MAN1C1: variants seen among roughly 807,000 people sequenced by gnomAD.
MAN1C1 encodes mannosidase alpha class 1C member 1.
Under a neutral mutation model 71.5 loss-of-function variants are expected in MAN1C1, and 49 were observed. That is an observed-to-expected ratio of 0.69 (90% CI 0.54 to 0.87). MAN1C1 has a LOEUF of 0.87. Ranked by LOEUF, MAN1C1 falls within the 40% of genes least tolerant of loss-of-function variation. The pLI, the probability that MAN1C1 is intolerant of heterozygous loss-of-function variation, is 0.00. For synonymous variants in MAN1C1, 352 were observed against 343.7 expected (o/e 1.02, Z -0.27); for missense variants, 743 against 835.0 (o/e 0.89, Z 1.36).
At chr1:25,682,350 G>A (rs1351024762) in intron 1 of MAN1C1, among the ~76,000 whole-genome samples, 1 of 152,196 alleles carries the variant, frequency 6.6e-6, no homozygotes, top group Non-Finnish European at 1.5e-5. Flanking sequence ...TGGAATGATA[G>A]GCAGAGTCCA....
intron 8 of MAN1C1, among the ~76,000 whole-genome samples, chr1:25,773,447 C>T (rs2047580234): frequency 6.6e-6 from 1 of 152,204 alleles, no homozygotes; most frequent in Non-Finnish European, 1.5e-5. Context: ...CTGCTCAGCT[C>T]CCTGGCACAA....
At chr1:25,732,830 A>AT (rs1365757102) in intron 2 of MAN1C1, among the ~76,000 whole-genome samples, 1 of 152,154 alleles carries the variant, frequency 6.6e-6, no homozygotes, top group Non-Finnish European at 1.5e-5. Flanking sequence ...ACAGGGGTGA[A>AT]TGGGACCTCT....
At chr1:25,708,256 G>A (rs532485782) in intron 2 of MAN1C1, among the ~76,000 whole-genome samples, 23 of 152,208 alleles carry the variant, frequency 1.5e-4, no homozygotes, top group Non-Finnish European at 2.8e-4. Context: ...CTGAACTGAG[G>A]GTTCCTCCCT....
rs146822655 is a variant in MAN1C1 at position 25,642,582 on chromosome 1, A to T, written c.540+24245A>T. Among the ~76,000 whole-genome samples the T allele has an allele frequency of 3.9e-4, 59 of 152,230 alleles. 2 individuals are homozygous for T. The East Asian group carries it at 0.011, about 29-fold the overall frequency. On this transcript the variant is annotated intron_variant, in intron 1 of 11. Coordinates refer to ENST00000374332, the MANE Select transcript of MAN1C1 (RefSeq NM_020379.4). The stretch of plus-strand genomic sequence containing the variant: ...GGAGAGCTCTGTTTCTATGCAAGAA[A>T]CCTGTGAATTCTCAACCTTTGCCAA...
chr1:25,769,573 A>G lies in MAN1C1; in HGVS notation c.1142-2084A>G, dbSNP rs532837387. Among the ~76,000 whole-genome samples the G allele has an allele frequency of 6.6e-6, 1 of 152,096 alleles. No individual in the cohort carries two copies. Among genetic ancestry groups the G allele is most frequent in the Non-Finnish European group, 1.5e-5 (1 of 68,008 alleles). ...CACGCACACACTCCACCACCGCGTG[A>G]TTGTGGCTAAACTCCTTGGCTTGGC... On this transcript the variant is annotated intron_variant, in intron 7 of 11. Coordinates refer to ENST00000374332, the MANE Select transcript of MAN1C1 (RefSeq NM_020379.4). This position sits in a 1 kb window ranked among gnomAD's most constrained non-coding sequence, Gnocchi z 4.8.
chr1:25,688,246 C>T (rs1397455119), intron 2 of MAN1C1, among the ~76,000 whole-genome samples: 2 of 152,150 alleles, frequency 1.3e-5, no homozygotes, highest in Non-Finnish European at 2.9e-5. Flanking sequence ...TGTATTGATT[C>T]CCATTAGGAA....
chr1:25,640,138 A>G (rs2124759529), intron 1 of MAN1C1, among the ~76,000 whole-genome samples: 1 of 152,346 alleles, frequency 6.6e-6, no homozygotes, highest in South Asian at 2.1e-4. Context: ...AGGAGTTTCC[A>G]AGGCACCATC....
rs993029526 is a variant in MAN1C1 at position 25,779,557 on chromosome 1, C to T, written c.1477+1233C>T. 6.6e-6 allele frequency among the ~76,000 whole-genome samples: 1 copy of T among 152,208 alleles called. No individual in the cohort carries two copies. Among genetic ancestry groups the T allele is most frequent in the South Asian group, 2.1e-4 (1 of 4,828 alleles). On this transcript the variant is annotated intron_variant, in intron 9 of 11. Coordinates refer to ENST00000374332, the MANE Select transcript of MAN1C1 (RefSeq NM_020379.4). The surrounding 1 kb of genome is among the most constrained non-coding windows in gnomAD (Gnocchi z 4.6). Reference sequence around the variant, plus strand: ...GAAATCTCAGGACTAATAAAAGGCTCGCTATTTGTCTGAGACAATCAGCCC... The same window carrying T: ...GAAATCTCAGGACTAATAAAAGGCTTGCTATTTGTCTGAGACAATCAGCCC...
intron 10 of MAN1C1, among the ~76,000 whole-genome samples, chr1:25,781,809 C>T (rs1028663253): frequency 6.6e-6 from 1 of 152,120 alleles, no homozygotes; most frequent in Non-Finnish European, 1.5e-5. Context: ...TTGTTCTTGG[C>T]CTTCAAAGGC....
At chr1:25,695,679 CT>C (rs2046360969) in intron 2 of MAN1C1, among the ~76,000 whole-genome samples, 1 of 152,250 alleles carries the variant, frequency 6.6e-6, no homozygotes, top group Non-Finnish European at 1.5e-5. Context: ...TAAGATGCAT[CT>C]TGGCCATTTT....
At chr1:25,741,004 A>T (rs539075797) in intron 2 of MAN1C1, among the ~76,000 whole-genome samples, 5 of 152,178 alleles carry the variant, frequency 3.3e-5, no homozygotes, top group Admixed American at 3.3e-4. Flanking sequence ...TGGGGGCCAC[A>T]GCTCTTGGGA....
Position 25,764,832 on chromosome 1 carries a change from G to A in MAN1C1, c.1141+865G>A, listed in dbSNP as rs577446382. Among the ~76,000 whole-genome samples the A allele has an allele frequency of 1.5e-4, 23 of 152,116 alleles. No individual in the cohort carries two copies. The South Asian group carries it at 4.6e-3, about 30-fold the overall frequency. On this transcript the variant is annotated intron_variant, in intron 7 of 11. Transcript: ENST00000374332. This position sits in a 1 kb window ranked among gnomAD's most constrained non-coding sequence, Gnocchi z 4.4. Reference sequence around the variant, plus strand: ...CGGGAGGCCGAGGCAGGCGGATCACGAGGTCAGGAGTTCTAGACCAGCCTG... The same window carrying A: ...CGGGAGGCCGAGGCAGGCGGATCACAAGGTCAGGAGTTCTAGACCAGCCTG...
Position 25,783,511 on chromosome 1 carries a change from C to T in MAN1C1, c.1767-152C>T, listed in dbSNP as rs144020980. On this transcript the variant is annotated intron_variant, in intron 11 of 11. Coordinates refer to ENST00000374332, the MANE Select transcript of MAN1C1 (RefSeq NM_020379.4). The stretch of plus-strand genomic sequence containing the variant: ...GCCTCCTTCCCCAGGACTAGCACCC[C>T]CACCCTGCTGCCCACAGTTTTGGGG... 4.2e-4 allele frequency: 332 copies of T among 797,482 alleles called. 1 individual carries two copies. The highest frequency in any genetic ancestry group is 7.2e-4 in the Admixed American group (32 of 44,554). 49.4% of individuals were successfully genotyped at this position (797,482 alleles called of 1,614,324 possible).
chr1:25,750,307 A>G (rs2047196952), intron 4 of MAN1C1, among the ~76,000 whole-genome samples: 1 of 152,152 alleles, frequency 6.6e-6, no homozygotes, highest in Admixed American at 6.5e-5. Context: ...GCTCCGGTAA[A>G]AGCACAGCCC....
chr1:25,637,998 A>ATGTC (rs1443680315), intron 1 of MAN1C1, among the ~76,000 whole-genome samples: 1 of 152,054 alleles, frequency 6.6e-6, no homozygotes, highest in African/African-American at 2.4e-5. Flanking sequence ...CTAGTCTGAC[A>ATGTC]GTCTGCTTTT....
chr1:25,632,557 T>C (rs1270245665), intron 1 of MAN1C1, among the ~76,000 whole-genome samples: 1 of 152,214 alleles, frequency 6.6e-6, no homozygotes, highest in Non-Finnish European at 1.5e-5. Context: ...TGGTTTGTTA[T>C]TGTTTCTGTA....
intron 2 of MAN1C1, among the ~76,000 whole-genome samples, chr1:25,695,603 G>A (rs949177612): frequency 6.6e-5 from 10 of 152,270 alleles, no homozygotes; most frequent in South Asian, 2.1e-4. Context: ...ACCGCCGACC[G>A]ACCACTCACC....
rs766823559 is a variant in MAN1C1 at position 25,779,160 on chromosome 1, CA to C, written c.1477+837del. On this transcript the variant is annotated intron_variant, in intron 9 of 11. Coordinates refer to ENST00000374332, the MANE Select transcript of MAN1C1 (RefSeq NM_020379.4). The surrounding 1 kb of genome is among the most constrained non-coding windows in gnomAD (Gnocchi z 4.6). ...GTTGGAGGGGACGACCCAAGATTTG[CA>C]GTAAAAATCCCAGGCTCAAGCAGCG... Among the ~76,000 whole-genome samples, 5 of 152,182 alleles carry C rather than the reference CA, an allele frequency of 3.3e-5. No homozygotes were observed. The highest frequency in any genetic ancestry group is 7.3e-5 in the Non-Finnish European group (5 of 68,032).
chr1:25,671,448 G>T (rs1557758380), intron 1 of MAN1C1, among the ~76,000 whole-genome samples: 1 of 152,186 alleles, frequency 6.6e-6, no homozygotes, highest in Non-Finnish European at 1.5e-5. Flanking sequence ...GAGGGGAATA[G>T]GTTCCAGCAT....
Sources: allele counts gnomAD v4.1 joint callset (sites outside exome capture counted in the v4.1 genomes callset), GRCh38; gene constraint gnomAD v4.1.1; non-coding constraint Gnocchi (gnomAD v3.1); transcripts MANE v1.5; gene names NCBI Gene and HGNC (gene_info 2026-07-23, HGNC 2026-07-21).